Variants in GBE1 observed in about 807,000 individuals in gnomAD.
GBE1 encodes the protein 1,4-alpha-glucan-branching enzyme.
GBE1 carries 70 observed loss-of-function variants against 88.8 expected under a neutral mutation model. The observed-to-expected ratio is 0.79, with a 90% CI of 0.65 to 0.96. The LOEUF is 0.96. GBE1 is among the 40% of genes least tolerant of loss of function. The pLI, the probability that GBE1 is intolerant of heterozygous loss-of-function variation, is 0.00. For missense variants in GBE1, 872 were observed against 871.0 expected (o/e 1.00, Z -0.01); for synonymous variants, 284 against 300.1 (o/e 0.95, Z 0.56).
At chr3:81,500,373 A>G (rs1408332725) in intron 14 of GBE1, among the ~76,000 whole-genome samples, 1 of 152,214 alleles carries the variant, frequency 6.6e-6, no homozygotes, top group African/African-American at 2.4e-5. Flanking sequence ...AATATGGATA[A>G]TGAAAATAAA....
chr3:81,747,542 G>T (rs1575775899), intron 1 of GBE1, among the ~76,000 whole-genome samples: 1 of 152,218 alleles, frequency 6.6e-6, no homozygotes, highest in South Asian at 2.1e-4. Flanking sequence ...TCAGCTGAGA[G>T]TGGTGGCACA....
At chr3:81,749,604 A>T (rs1201479405) in intron 1 of GBE1, among the ~76,000 whole-genome samples, 1 of 152,232 alleles carries the variant, frequency 6.6e-6, no homozygotes, top group African/African-American at 2.4e-5. Context: ...ACACACACAA[A>T]TAAGTATATG....
chr3:81,609,416 C>T (rs572395285), intron 7 of GBE1, among the ~76,000 whole-genome samples: 39 of 152,194 alleles, frequency 2.6e-4, no homozygotes, highest in African/African-American at 9.4e-4. Context: ...TCTTCACCCT[C>T]AAAAACACAG....
chr3:81,506,561 T>A (rs961219159), intron 14 of GBE1, among the ~76,000 whole-genome samples: 1 of 152,148 alleles, frequency 6.6e-6, no homozygotes, highest in Non-Finnish European at 1.5e-5. Context: ...AGCAATCTCG[T>A]TACAGGGTAC....
At chr3:81,703,702 C>T (rs563328017) in intron 2 of GBE1, among the ~76,000 whole-genome samples, 33 of 152,060 alleles carry the variant, frequency 2.2e-4, no homozygotes, top group African/African-American at 7.9e-4. Context: ...AGTTGCACAT[C>T]TACTGATTCA....
intron 3 of GBE1, among the ~76,000 whole-genome samples, chr3:81,669,398 AAG>A (rs1705157206): frequency 2.0e-5 from 3 of 152,204 alleles, no homozygotes; most frequent in Non-Finnish European, 2.9e-5. Context: ...ACCTAAAACA[AAG>A]GTTAAAAAAA....
At chr3:81,615,892 C>A (rs1384425110) in intron 7 of GBE1, among the ~76,000 whole-genome samples, 2 of 152,108 alleles carry the variant, frequency 1.3e-5, no homozygotes, top group Non-Finnish European at 1.5e-5. Flanking sequence ...TACATGCACA[C>A]CAGGAATGAT....
Position 81,568,082 on chromosome 3 carries a change from T to A in GBE1, c.1618+9843A>T, listed in dbSNP as rs77510405. Among the ~76,000 whole-genome samples, 634 of 152,260 alleles carry A rather than the reference T, an allele frequency of 4.2e-3. 6 individuals are homozygous for A. Among genetic ancestry groups the A allele is most frequent in the Middle Eastern group, 0.024 (7 of 294 alleles). On this transcript the variant is annotated intron_variant, in intron 12 of 15. Coordinates refer to ENST00000429644, the MANE Select transcript of GBE1 (RefSeq NM_000158.4). ...TTCTGTAACCTCTCTTTAGAGAGTG[T>A]TTTTCTGTGATCTTTACGAAGTATA...
intron 1 of GBE1, among the ~76,000 whole-genome samples, chr3:81,715,768 G>A (rs1172355505): frequency 6.6e-6 from 1 of 151,908 alleles, no homozygotes; most frequent in African/African-American, 2.4e-5. Flanking sequence ...TATCATTGAT[G>A]TCTAGGTGGC....
At chr3:81,738,514 C>CA (rs1288020436) in intron 1 of GBE1, among the ~76,000 whole-genome samples, 6 of 150,478 alleles carry the variant, frequency 4.0e-5, no homozygotes, top group African/African-American at 7.4e-5. Flanking sequence ...TGATGGTGAG[C>CA]AAAAAATGTG....
intron 7 of GBE1, among the ~76,000 whole-genome samples, chr3:81,609,255 G>C (rs1704141398): frequency 6.6e-6 from 1 of 152,066 alleles, no homozygotes; most frequent in African/African-American, 2.4e-5. Flanking sequence ...TGCCTACGTG[G>C]CCAATTTTGG....
At chr3:81,603,438 A>C (rs923537634) in intron 7 of GBE1, among the ~76,000 whole-genome samples, 1 of 152,116 alleles carries the variant, frequency 6.6e-6, no homozygotes, top group Non-Finnish European at 1.5e-5. Context: ...TCAGTGTGAT[A>C]ATTTTTGAAA....
intron 6 of GBE1, 143 bp from the exon 7 acceptor site, chr3:81,643,133 A>G: frequency 1.6e-6 from 1 of 620,184 alleles, no homozygotes; most frequent in Non-Finnish European, 2.8e-6. Context: ...ATACAACTCA[A>G]ATTTGCTTAA....
chr3:81,699,374 A>C lies in GBE1; in HGVS notation c.313+6070T>G, dbSNP rs1705651956. Among the ~76,000 whole-genome samples the C allele has an allele frequency of 3.3e-5, 5 of 152,198 alleles. No individual in the cohort carries two copies. In the South Asian group the frequency reaches 1.0e-3, roughly 31 times the overall value. On this transcript the variant is annotated intron_variant, in intron 2 of 15. Transcript: ENST00000429644. ...ATATCTAGAATATCAAAAAATATGGAAAGTTTACACTGTATACCACAAAGA... is the reference window on the plus strand; with the variant it reads ...ATATCTAGAATATCAAAAAATATGGCAAGTTTACACTGTATACCACAAAGA...
At chr3:81,555,340 C>T (rs1703332714) in intron 12 of GBE1, among the ~76,000 whole-genome samples, 1 of 152,084 alleles carries the variant, frequency 6.6e-6, no homozygotes, top group African/African-American at 2.4e-5. Flanking sequence ...CTACAAACTA[C>T]CACCCTCCAT....
At chr3:81,668,569 A>T (rs1391131820) in intron 3 of GBE1, among the ~76,000 whole-genome samples, 1 of 152,120 alleles carries the variant, frequency 6.6e-6, no homozygotes, top group African/African-American at 2.4e-5. Flanking sequence ...GGTATTTTTC[A>T]TGCCTCCTAC....
intron 15 of GBE1, among the ~76,000 whole-genome samples, chr3:81,497,985 A>G (rs981735872): frequency 1.3e-5 from 2 of 152,168 alleles, no homozygotes; most frequent in African/African-American, 2.4e-5. Context: ...TTAAAAATAT[A>G]TATCTTTCTC....
rs974765083 is a variant in GBE1, at chr3:81,493,753, C to A, written c.2053-3290G>T. ...GTTTCTCCATGTTGGTAAGGCTGGTCTCGAACTCCCGACCTCAGCTGTTCT... is the reference window on the plus strand; with the variant it reads ...GTTTCTCCATGTTGGTAAGGCTGGTATCGAACTCCCGACCTCAGCTGTTCT... On this transcript the variant is annotated intron_variant, in intron 15 of 15. Transcript: ENST00000429644. Among the ~76,000 whole-genome samples the A allele has an allele frequency of 2.0e-5, 3 of 151,824 alleles. No individual in the cohort carries two copies. In the East Asian group the frequency reaches 5.8e-4, roughly 29 times the overall value.
At chr3:81,662,961 T>C (rs1559680259) in intron 3 of GBE1, among the ~76,000 whole-genome samples, 1 of 152,208 alleles carries the variant, frequency 6.6e-6, no homozygotes, top group African/African-American at 2.4e-5. Flanking sequence ...TAGGGATCAA[T>C]TGGTTTTGCC....
Sources: allele counts gnomAD v4.1 joint callset (sites outside exome capture counted in the v4.1 genomes callset), GRCh38; gene constraint gnomAD v4.1.1; transcripts MANE v1.5; gene names NCBI Gene and HGNC (gene_info 2026-07-23, HGNC 2026-07-21).